The following IL1RAPL2 variants were observed in gnomAD, a reference collection of about 807,000 sequenced individuals.
The protein encoded by IL1RAPL2 is X-linked interleukin-1 receptor accessory protein-like 2.
Under a neutral mutation model 44.1 loss-of-function variants are expected in IL1RAPL2, and 3 were observed. The observed-to-expected ratio is 0.07, with a 90% CI of 0.03 to 0.18. The LOEUF (loss-of-function observed/expected upper bound fraction) is 0.18. Ranked by LOEUF, IL1RAPL2 falls within the 10% of genes least tolerant of loss-of-function variation. IL1RAPL2 has a pLI of 1.00. For synonymous variants in IL1RAPL2, 181 were observed against 178.8 expected (o/e 1.01, Z -0.10); for missense variants, 391 against 496.4 (o/e 0.79, Z 2.02).
At chrX:105,520,544 T>G (rs1442833730) in intron 6 of IL1RAPL2, among the ~76,000 whole-genome samples, 4 of 111,775 alleles carry the variant, frequency 3.6e-5, no homozygotes, top group African/African-American at 1.3e-4. Flanking sequence ...AGACTGTGAA[T>G]TTTTCCTCTT....
At chrX:105,565,420 C>T (rs1569454527) in intron 6 of IL1RAPL2, among the ~76,000 whole-genome samples, 1 of 111,305 alleles carries the variant, frequency 9.0e-6, no homozygotes, top group Non-Finnish European at 1.9e-5. Flanking sequence ...TTCTATTCTA[C>T]CATGGATTTT....
chrX:104,818,389 T>C (rs1178807527), intron 2 of IL1RAPL2, among the ~76,000 whole-genome samples: 11 of 100,408 alleles, frequency 1.1e-4, no homozygotes, highest in African/African-American at 4.1e-4. Context: ...TGTCTGGAGA[T>C]CACAGAATTG....
intron 6 of IL1RAPL2, among the ~76,000 whole-genome samples, chrX:105,562,530 CACACACACACACACACACAT>C (rs1370506647): frequency 3.7e-5 from 4 of 106,723 alleles, no homozygotes; most frequent in Admixed American, 2.0e-4. Flanking sequence ...CACACACACA[CACACACACACACACACACAT>C]ACACACACCA....
chrX:105,412,608 ATACAAT>A (rs1319119197), intron 5 of IL1RAPL2, among the ~76,000 whole-genome samples: 1 of 111,171 alleles, frequency 9.0e-6, no homozygotes, highest in Non-Finnish European at 1.9e-5. Context: ...GCATGCTAAG[ATACAAT>A]TAGAAGGAAG....
chrX:104,598,696 A>C (rs934031599), intron 1 of IL1RAPL2, among the ~76,000 whole-genome samples: 18 of 111,624 alleles, frequency 1.6e-4, no homozygotes, highest in African/African-American at 5.5e-4. Flanking sequence ...TTTGTGATAA[A>C]ATTTCTTGTT....
intron 4 of IL1RAPL2, among the ~76,000 whole-genome samples, chrX:105,243,601 A>ATTT (rs1273610539): frequency 1.4e-4 from 12 of 85,245 alleles, no homozygotes; most frequent in African/African-American, 9.1e-4. Flanking sequence ...ATATATATAT[A>ATTT]TATATTTTTT....
intron 6 of IL1RAPL2, among the ~76,000 whole-genome samples, chrX:105,486,706 A>G (rs2036269345): frequency 9.4e-6 from 1 of 106,260 alleles, no homozygotes; most frequent in Non-Finnish European, 1.9e-5. Context: ...TATGAAAACA[A>G]TTTATCCACA....
chrX:105,035,229 C>T (rs929475785), intron 2 of IL1RAPL2, among the ~76,000 whole-genome samples: 2 of 111,625 alleles, frequency 1.8e-5, no homozygotes, highest in East Asian at 5.7e-4. Flanking sequence ...GGCTCACGCA[C>T]GGTGCACTGC....
chrX:105,240,427 T>C (rs1180985158), intron 4 of IL1RAPL2, among the ~76,000 whole-genome samples: 4 of 112,635 alleles, frequency 3.6e-5, no homozygotes, highest in Non-Finnish European at 7.5e-5. Flanking sequence ...AATTAATTTT[T>C]GTTCTACTTG....
intron 1 of IL1RAPL2, among the ~76,000 whole-genome samples, chrX:104,582,576 C>CT (rs1384067847): frequency 5.5e-5 from 3 of 54,505 alleles, no homozygotes; most frequent in African/African-American, 1.7e-4. Flanking sequence ...CTCTTTCTTT[C>CT]TTTTTCTTTC....
intron 2 of IL1RAPL2, among the ~76,000 whole-genome samples, chrX:104,910,174 C>T (rs759994496): frequency 7.1e-5 from 8 of 112,483 alleles, no homozygotes; most frequent in South Asian, 3.7e-4. Context: ...TGACCCCTTG[C>T]GCTTCCCGAG....
chrX:105,181,871 T>C (rs1019261731), intron 2 of IL1RAPL2, among the ~76,000 whole-genome samples: 29 of 109,458 alleles, frequency 2.6e-4, no homozygotes, highest in African/African-American at 9.0e-4. Flanking sequence ...GAGACCATTC[T>C]GGCTAACAAG....
At position 105,262,755 on chromosome X, in the gene IL1RAPL2, C is replaced by A. The variant is rs62603042; in HGVS notation, c.544-4633C>A. ...AACAGAGCTTGGAAGGGAAGGGCTC[C>A]TTGTAGTTGGTTATCCTAGGCCTTT... On this transcript the variant is annotated intron_variant, in intron 4 of 10. Coordinates refer to ENST00000372582, the MANE Select transcript of IL1RAPL2 (RefSeq NM_017416.2). Among the ~76,000 whole-genome samples the A allele has an allele frequency of 8.5e-3, 952 of 111,762 alleles. 7 individuals carry two copies. The highest frequency in any genetic ancestry group is 0.014 in the Admixed American group (143 of 10,489).
At chrX:105,378,784 C>A (rs1403921590) in intron 5 of IL1RAPL2, among the ~76,000 whole-genome samples, 3 of 112,215 alleles carry the variant, frequency 2.7e-5, no homozygotes, top group Non-Finnish European at 5.6e-5. Context: ...GGAGCATGTT[C>A]TCTCACATTT....
chrX:105,143,375 C>A (rs181929147), intron 2 of IL1RAPL2, among the ~76,000 whole-genome samples: 1 of 112,137 alleles, frequency 8.9e-6, no homozygotes, highest in African/African-American at 3.2e-5. Context: ...CAGAGAAATG[C>A]AAATCAAAAC....
chrX:105,490,924 T>C (rs1210250166), intron 6 of IL1RAPL2, among the ~76,000 whole-genome samples: 1 of 112,078 alleles, frequency 8.9e-6, no homozygotes, highest in Admixed American at 9.5e-5. Context: ...ATGCTTAGGC[T>C]TTCACTAAAA....
intron 2 of IL1RAPL2, among the ~76,000 whole-genome samples, chrX:105,073,795 G>C (rs1159175271): frequency 3.6e-5 from 4 of 112,076 alleles, no homozygotes; most frequent in Non-Finnish European, 3.8e-5. Context: ...GGCCAGTGAT[G>C]ATGAGCATTT....
chrX:105,759,006 G>C (rs769614578), intron 10 of IL1RAPL2, among the ~76,000 whole-genome samples: 3 of 112,011 alleles, frequency 2.7e-5, no homozygotes, highest in Non-Finnish European at 5.6e-5. Flanking sequence ...GGAATGAACA[G>C]ATGTGCTCTG....
chrX:105,151,151 G>C (rs971595621), intron 2 of IL1RAPL2, among the ~76,000 whole-genome samples: 7 of 112,123 alleles, frequency 6.2e-5, no homozygotes, highest in African/African-American at 2.3e-4. Context: ...CTGTACAACT[G>C]TGGTGCTTGG....
Sources: gnomAD v4.1 joint callset for allele counts (sites outside exome capture counted in the v4.1 genomes callset) on GRCh38, gnomAD v4.1.1 for gene constraint, MANE v1.5 for transcripts, NCBI Gene and HGNC (gene_info 2026-07-23, HGNC 2026-07-21) for gene names.